The following PPFIBP2 variants were observed in gnomAD, a reference collection of about 807,000 sequenced individuals.
The protein encoded by PPFIBP2 is PPFIB scaffold protein 2, also known as liprin-beta-2.
Under a neutral mutation model 118.3 loss-of-function variants are expected in PPFIBP2, and 118 were observed. That is an observed-to-expected ratio of 1.00 (90% CI 0.86 to 1.16). The LOEUF (loss-of-function observed/expected upper bound fraction) is 1.16. PPFIBP2 is among the 50% of genes most tolerant of loss of function. PPFIBP2 has a pLI of 0.00. For synonymous variants in PPFIBP2, 414 were observed against 397.4 expected, an observed-to-expected ratio of 1.04 and a Z score of -0.50; for missense variants, 1,195 against 1,073.1, an observed-to-expected ratio of 1.11 and a Z score of -1.59.
chr11:7,566,598 C>T (rs1011990804), intron 3 of PPFIBP2, among the ~76,000 whole-genome samples: 4 of 152,154 alleles, frequency 2.6e-5, no homozygotes, highest in African/African-American at 9.7e-5. Flanking sequence ...GAAATCTTGG[C>T]TCAAACAATC....
chr11:7,651,467 T>C (rs1340986742), intron 22 of PPFIBP2, 189 bp from the exon 23 acceptor site: 1 of 531,396 alleles, frequency 1.9e-6, no homozygotes, highest in Admixed American at 3.2e-5. Flanking sequence ...AGTCAGCACA[T>C]GTGCTAGTAT....
chr11:7,586,574 G>T (rs377000902), intron 3 of PPFIBP2, among the ~76,000 whole-genome samples: 21 of 152,136 alleles, frequency 1.4e-4, no homozygotes, highest in African/African-American at 5.1e-4. Context: ...CTGTTGCTCC[G>T]TGAAGCATGA....
At chr11:7,644,472 G>A (rs535389050) in intron 17 of PPFIBP2, among the ~76,000 whole-genome samples, 4 of 152,300 alleles carry the variant, frequency 2.6e-5, no homozygotes, top group Admixed American at 1.3e-4. Context: ...CCACCTTTGC[G>A]GAGTGTTTTT....
chr11:7,605,697 A>G, intron 5 of PPFIBP2: 1 of 1,322,930 alleles, frequency 7.6e-7, no homozygotes. Flanking sequence ...GGAAGTTGAT[A>G]AACCAGGAAA....
intron 15 of PPFIBP2, among the ~76,000 whole-genome samples, chr11:7,641,272 A>G (rs529984824): frequency 6.6e-6 from 1 of 152,330 alleles, no homozygotes; most frequent in East Asian, 1.9e-4. Flanking sequence ...GCTCACCTAG[A>G]TTTGAAATAT....
rs1337553889 is a variant in PPFIBP2, at chr11:7,631,025, A to G, written c.1065A>G (p.Gln355=). Residue 355 remains glutamine (Q), a synonymous_variant, in exon 11 of 24, where the codon CAA becomes CAG. Coordinates refer to ENST00000299492, the MANE Select transcript of PPFIBP2 (RefSeq NM_003621.5). ...TNKDPEELFK[Q]EMPPRCSSPT... is the part of the protein sequence containing the mutation. ...AGGACCCTGAAGAATTATTTAAACA[A>G]GAGGTACTGTGTTTCCATCCATGAC... is the stretch of plus-strand genomic sequence containing the variant. 1.2e-6 allele frequency: 2 copies of G among 1,611,262 alleles called. No individual in the cohort carries two copies. Among genetic ancestry groups the G allele is most frequent in the South Asian group, 1.1e-5 (1 of 91,006 alleles).
chr11:7,521,053 G>A (rs1031400075), intron 1 of PPFIBP2, among the ~76,000 whole-genome samples: 2 of 152,108 alleles, frequency 1.3e-5, no homozygotes, highest in Admixed American at 6.5e-5. Context: ...CAAGTTCCAG[G>A]GGACTGCTGA....
intron 1 of PPFIBP2, among the ~76,000 whole-genome samples, chr11:7,539,839 C>T (rs1851590965): frequency 6.6e-6 from 1 of 152,192 alleles, no homozygotes; most frequent in African/African-American, 2.4e-5. Flanking sequence ...AAAGCAGAAG[C>T]AAGCTGGGGA....
intron 1 of PPFIBP2, among the ~76,000 whole-genome samples, chr11:7,528,936 C>G (rs1850448302): frequency 6.6e-6 from 1 of 152,150 alleles, no homozygotes; most frequent in Admixed American, 6.5e-5. Flanking sequence ...GCTCAGAACT[C>G]AGATCTAGCC....
chr11:7,541,729 A>G (rs757806763), intron 1 of PPFIBP2, among the ~76,000 whole-genome samples: 3 of 152,144 alleles, frequency 2.0e-5, no homozygotes, highest in South Asian at 2.1e-4. Flanking sequence ...CCTATTTCCA[A>G]ATGGCTACTC....
At position 7,653,034 on chromosome 11, in the gene PPFIBP2, T is replaced by G; in HGVS notation, c.2447T>G (p.Leu816Arg). 1.2e-6 allele frequency: 2 copies of G among 1,608,268 alleles called. No individual in the cohort carries two copies. Among genetic ancestry groups the G allele is most frequent in the Non-Finnish European group, 1.7e-6 (2 of 1,175,548 alleles). Residue 816 changes from leucine (L) to arginine (R), a missense_variant, in exon 24 of 24, where the codon CTA (leucine) becomes CGA (arginine). By Grantham distance (102) the Leu-to-Arg change is moderately radical. Coordinates refer to ENST00000299492, the MANE Select transcript of PPFIBP2 (RefSeq NM_003621.5). ...TTTAKVRPRK[L>R]GFSHFGNIRK... ...TTTTCTGTGTTTTAGCCAAGGAAAC[T>G]AGGATTTTCACACTTCGGAAACATA...
At chr11:7,542,584 CTT>C (rs1851908597) in intron 1 of PPFIBP2, among the ~76,000 whole-genome samples, 1 of 152,096 alleles carries the variant, frequency 6.6e-6, no homozygotes, top group African/African-American at 2.4e-5. Context: ...TGTTCTGCTG[CTT>C]TATTATTTTC....
At chr11:7,575,792 C>T (rs1856240229) in intron 3 of PPFIBP2, among the ~76,000 whole-genome samples, 3 of 152,244 alleles carry the variant, frequency 2.0e-5, no homozygotes, top group Admixed American at 2.0e-4. Context: ...TCCTTGGCAA[C>T]ATCCTGCCAT....
chr11:7,563,080 T>C (rs1196311291), intron 2 of PPFIBP2, among the ~76,000 whole-genome samples: 1 of 150,860 alleles, frequency 6.6e-6, no homozygotes, highest in Non-Finnish European at 1.5e-5. Flanking sequence ...TCCCAAAGCT[T>C]TAGGGCAGAG....
At chr11:7,579,045 G>T (rs917586669) in intron 3 of PPFIBP2, among the ~76,000 whole-genome samples, 9 of 151,890 alleles carry the variant, frequency 5.9e-5, no homozygotes, top group African/African-American at 1.2e-4. Flanking sequence ...GGATACATTG[G>T]GGGGGGTCTA....
chr11:7,626,146 A>G (rs1849978240), intron 8 of PPFIBP2, among the ~76,000 whole-genome samples: 1 of 152,204 alleles, frequency 6.6e-6, no homozygotes, highest in African/African-American at 2.4e-5. Context: ...GGTTTTTCTC[A>G]GATGCACAGA....
At chr11:7,579,568 C>T (rs1258401833) in intron 3 of PPFIBP2, among the ~76,000 whole-genome samples, 5 of 152,182 alleles carry the variant, frequency 3.3e-5, no homozygotes, top group Admixed American at 6.5e-5. Flanking sequence ...TTTCAGCCAA[C>T]ATGTGCCTGG....
At chr11:7,520,965 C>T (rs901389572) in intron 1 of PPFIBP2, among the ~76,000 whole-genome samples, 2 of 152,196 alleles carry the variant, frequency 1.3e-5, no homozygotes, top group Non-Finnish European at 2.9e-5. Context: ...ATCTCTCACT[C>T]ATCTGGTAAA....
rs776748367 is a variant in PPFIBP2 at position 7,629,445 on chromosome 11, T to C, written c.889-14T>C. The C allele has an allele frequency of 6.2e-7, 1 of 1,612,714 alleles. No homozygotes were observed. Among genetic ancestry groups the C allele is most frequent in the East Asian group, 2.2e-5 (1 of 44,876 alleles). ...GCATAGCATTAATCTAAATCTCTAC[T>C]TGCACTATGGCAGGACCGTCGGATA... On this transcript the variant is annotated splice_polypyrimidine_tract_variant and intron_variant, in intron 9 of 23. Transcript: ENST00000299492.
Sources: allele counts gnomAD v4.1 joint callset (sites outside exome capture counted in the v4.1 genomes callset), GRCh38; gene constraint gnomAD v4.1.1; transcripts MANE v1.5; gene names NCBI Gene and HGNC (gene_info 2026-07-23, HGNC 2026-07-21).